DOCK1: variants seen among roughly 807,000 people sequenced by gnomAD.
DOCK1 encodes the protein dedicator of cytokinesis 1.
A neutral mutation model predicts 262.7 loss-of-function variants in DOCK1; 138 were observed. That is an observed-to-expected ratio of 0.53 (90% CI 0.46 to 0.61). The LOEUF is 0.61. Among genes scored for constraint, DOCK1 ranks in the 20% least tolerant of loss-of-function variants. The pLI, the probability that DOCK1 is intolerant of heterozygous loss-of-function variation, is 0.00. For missense variants in DOCK1, 1,908 were observed against 2,370.7 expected (o/e 0.80, Z 4.05); for synonymous variants, 866 against 867.4 (o/e 1.00, Z 0.03).
chr10:127,350,854 G>A (rs186273632), intron 31 of DOCK1, among the ~76,000 whole-genome samples: 1 of 152,172 alleles, frequency 6.6e-6, no homozygotes. Context: ...CCCAGCCTGA[G>A]ATTTTAAAGG....
intron 23 of DOCK1, among the ~76,000 whole-genome samples, chr10:127,067,705 C>CT (rs1260405843): frequency 6.6e-6 from 1 of 152,094 alleles, no homozygotes; most frequent in African/African-American, 2.4e-5. Context: ...AAATTTATTT[C>CT]ATGAGCACTA....
At chr10:127,256,956 T>A (rs2059846521) in intron 28 of DOCK1, among the ~76,000 whole-genome samples, 2 of 152,230 alleles carry the variant, frequency 1.3e-5, no homozygotes, top group African/African-American at 4.8e-5. Flanking sequence ...CTGTTCATCA[T>A]GAAAAATTGA....
intron 22 of DOCK1, among the ~76,000 whole-genome samples, chr10:127,055,000 G>A (rs2045037242): frequency 1.3e-5 from 2 of 151,970 alleles, no homozygotes; most frequent in Non-Finnish European, 1.5e-5. Flanking sequence ...TCTCTGCCTC[G>A]TTCTTTAATC....
chr10:127,346,589 G>A lies in DOCK1; in HGVS notation c.3224+2843G>A, dbSNP rs376995996. Among the ~76,000 whole-genome samples, 48 of 152,174 alleles carry A rather than the reference G, an allele frequency of 3.2e-4. No individual in the cohort carries two copies. The South Asian group carries it at 5.4e-3, about 17-fold the overall frequency. On this transcript the variant is annotated intron_variant, in intron 31 of 51. Transcript: ENST00000623213. ...CCAGCCTGGCTGACAGAGTGAGACC[G>A]TCTGTCTCAAAAACCAAAACGAAAA...
intron 27 of DOCK1, among the ~76,000 whole-genome samples, chr10:127,240,492 C>T (rs1258420564): frequency 1.3e-5 from 2 of 152,010 alleles, no homozygotes; most frequent in South Asian, 4.2e-4. Flanking sequence ...ACCCATTTTC[C>T]GGTGAGCTTC....
chr10:127,243,803 C>G (rs2059344611), intron 27 of DOCK1, among the ~76,000 whole-genome samples: 1 of 152,088 alleles, frequency 6.6e-6, no homozygotes, highest in African/African-American at 2.4e-5. Context: ...GTTTGTCCCT[C>G]CTGCCAGATG....
chr10:127,026,460 T>C (rs746721422), intron 16 of DOCK1, 36 bp downstream of exon 16: 151 of 1,553,778 alleles, frequency 9.7e-5, no homozygotes, highest in Non-Finnish European at 9.1e-5. Flanking sequence ...CCAAGTATTT[T>C]TAAGGGAGAA....
intron 38 of DOCK1, among the ~76,000 whole-genome samples, chr10:127,387,045 C>G (rs1241198628): frequency 3.9e-5 from 6 of 152,198 alleles, no homozygotes; most frequent in Admixed American, 3.9e-4. Flanking sequence ...CAGGGCAGGG[C>G]AGGGCAGGAG....
At chr10:126,916,854 C>T (rs1211252624) in intron 1 of DOCK1, among the ~76,000 whole-genome samples, 1 of 152,016 alleles carries the variant, frequency 6.6e-6, no homozygotes, top group Non-Finnish European at 1.5e-5. Flanking sequence ...CTGAAACTCT[C>T]GAGGCCAGTG....
chr10:127,190,947 A>G lies in DOCK1; in HGVS notation c.2848-57061A>G, dbSNP rs150214434. ...TATACCGCCTTAATCTTCTGAGAATATATGTTCTTGTTTCAAACATCAACA... is the reference window on the plus strand; with the variant it reads ...TATACCGCCTTAATCTTCTGAGAATGTATGTTCTTGTTTCAAACATCAACA... On this transcript the variant is annotated intron_variant, in intron 27 of 51. Coordinates refer to ENST00000623213, the MANE Select transcript of DOCK1 (RefSeq NM_001290223.2). Among the ~76,000 whole-genome samples, 753 of 151,994 alleles carry G rather than the reference A, an allele frequency of 5.0e-3. 8 individuals are homozygous for G. The highest frequency in any genetic ancestry group is 0.017 in the African/African-American group (719 of 41,436).
intron 28 of DOCK1, among the ~76,000 whole-genome samples, chr10:127,249,398 T>C: frequency 1.3e-4 from 1 of 7,700 alleles, no homozygotes; most frequent in Non-Finnish European, 4.2e-4. Flanking sequence ...TATACACACA[T>C]ATATACATAT....
At chr10:127,084,717 C>T (rs999014473) in intron 23 of DOCK1, among the ~76,000 whole-genome samples, 1 of 152,156 alleles carries the variant, frequency 6.6e-6, no homozygotes, top group East Asian at 1.9e-4. Context: ...AGGTCTTACC[C>T]TAGGGATGCT....
In DOCK1 at chr10:127,425,861, C is replaced by G; in HGVS notation, c.4777-13C>G. ...TCCAAGAAATAAGGAATGTCAACCT[C>G]TCTGTTTTCCAGATTCCTTTTCTGG... is the stretch of plus-strand genomic sequence containing the variant. On this transcript the variant is annotated splice_polypyrimidine_tract_variant and intron_variant, in intron 46 of 51. Transcript: ENST00000623213. 6.2e-6 allele frequency: 10 copies of G among 1,613,962 alleles called. No individual in the cohort carries two copies. Among genetic ancestry groups the G allele is most frequent in the Non-Finnish European group, 8.5e-6 (10 of 1,179,872 alleles).
At chr10:127,249,958 C>T (rs2059568550) in intron 28 of DOCK1, among the ~76,000 whole-genome samples, 3 of 152,154 alleles carry the variant, frequency 2.0e-5, no homozygotes, top group Admixed American at 2.0e-4. Context: ...AACCTGTATC[C>T]TGTTTATATC....
chr10:127,064,966 C>T (rs980965152), intron 23 of DOCK1, among the ~76,000 whole-genome samples: 7 of 152,158 alleles, frequency 4.6e-5, no homozygotes, highest in African/African-American at 1.7e-4. Flanking sequence ...GCTCTGGGAA[C>T]CTCATGGAAG....
intron 27 of DOCK1, among the ~76,000 whole-genome samples, chr10:127,160,749 G>A (rs975125371): frequency 6.6e-6 from 1 of 152,150 alleles, no homozygotes; most frequent in African/African-American, 2.4e-5. Context: ...AAAAAGGCAT[G>A]GTCTCTGCTC....
intron 29 of DOCK1, among the ~76,000 whole-genome samples, chr10:127,274,644 A>G (rs1171292084): frequency 6.6e-6 from 1 of 152,232 alleles, no homozygotes; most frequent in Non-Finnish European, 1.5e-5. Flanking sequence ...ACAATCAAGG[A>G]AAAGTCTTAA....
At chr10:127,268,732 G>T (rs1002370816) in intron 29 of DOCK1, among the ~76,000 whole-genome samples, 1 of 151,976 alleles carries the variant, frequency 6.6e-6, no homozygotes, top group East Asian at 1.9e-4. Flanking sequence ...TCCCCAAGTC[G>T]CTCTGCCAGG....
At chr10:127,416,965 C>T (rs12360224) in intron 44 of DOCK1, among the ~76,000 whole-genome samples, 14,189 of 152,202 alleles carry the variant, frequency 0.093, 769 homozygotes, top group South Asian at 0.16. Flanking sequence ...TCCATCAGTG[C>T]AAGGACAGTG....
Sources: gnomAD v4.1 joint callset for allele counts (sites outside exome capture counted in the v4.1 genomes callset) on GRCh38, gnomAD v4.1.1 for gene constraint, MANE v1.5 for transcripts, NCBI Gene and HGNC (gene_info 2026-07-23, HGNC 2026-07-21) for gene names.